Variants in CACHD1 observed in about 807,000 individuals in gnomAD.
CACHD1 encodes the protein cache domain containing 1.
Under a neutral mutation model 138.7 loss-of-function variants are expected in CACHD1, and 71 were observed. The observed-to-expected ratio is 0.51, with a 90% CI of 0.42 to 0.62. CACHD1 has a LOEUF of 0.62. Among genes scored for constraint, CACHD1 ranks in the 20% least tolerant of loss-of-function variants. The pLI is 0.00. For synonymous variants in CACHD1, 578 were observed against 591.5 expected (o/e 0.98, Z 0.33); for missense variants, 1,389 against 1,625.3 (o/e 0.85, Z 2.50).
intron 13 of CACHD1, among the ~76,000 whole-genome samples, chr1:64,662,718 T>A (rs1649483698): frequency 6.6e-6 from 1 of 152,234 alleles, no homozygotes; most frequent in South Asian, 2.1e-4. Context: ...TGTTCTGCAC[T>A]GTGATTCACT....
intron 3 of CACHD1, among the ~76,000 whole-genome samples, chr1:64,586,377 C>T (rs559626563): frequency 6.6e-6 from 1 of 152,340 alleles, no homozygotes; most frequent in African/African-American, 2.4e-5. Flanking sequence ...ACCCAGCTGA[C>T]ACTTTCCTAT....
chr1:64,589,997 C>T (rs1018831277), intron 3 of CACHD1, among the ~76,000 whole-genome samples: 7 of 152,066 alleles, frequency 4.6e-5, no homozygotes, highest in Non-Finnish European at 4.4e-5. Flanking sequence ...TATTCTCCTA[C>T]ACAGCTTCTC....
intron 1 of CACHD1, among the ~76,000 whole-genome samples, chr1:64,507,279 T>C (rs1422395681): frequency 1.3e-5 from 2 of 152,216 alleles, no homozygotes; most frequent in Non-Finnish European, 1.5e-5. Context: ...TACTGGAGTC[T>C]TGCCTTATAG....
At chr1:64,556,019 G>A (rs1056909354) in intron 2 of CACHD1, among the ~76,000 whole-genome samples, 2 of 152,090 alleles carry the variant, frequency 1.3e-5, no homozygotes, top group African/African-American at 4.8e-5. Context: ...TTGAAATCTG[G>A]TTGGGTAATA....
chr1:64,532,684 T>C (rs893075), intron 1 of CACHD1, among the ~76,000 whole-genome samples: 4,961 of 152,154 alleles, frequency 0.033, 120 homozygotes, highest in African/African-American at 0.063. Flanking sequence ...GGAACCAAGA[T>C]AGGACTTGGG....
At chr1:64,524,303 G>A (rs1221000381) in intron 1 of CACHD1, among the ~76,000 whole-genome samples, 1 of 152,196 alleles carries the variant, frequency 6.6e-6, no homozygotes, top group Non-Finnish European at 1.5e-5. Context: ...AAGCAAGTAT[G>A]TGAATGAATA....
intron 3 of CACHD1, among the ~76,000 whole-genome samples, chr1:64,585,439 C>T (rs2100545107): frequency 6.6e-6 from 1 of 152,270 alleles, no homozygotes; most frequent in East Asian, 1.9e-4. Context: ...GTTGAACATC[C>T]ATGAGACCTT....
At chr1:64,633,454 GA>G (rs1648386493) in intron 6 of CACHD1, among the ~76,000 whole-genome samples, 1 of 152,122 alleles carries the variant, frequency 6.6e-6, no homozygotes, top group South Asian at 2.1e-4. Context: ...CTGAGGAGGA[GA>G]GGGGTGGGAG....
chr1:64,652,058 A>G, intron 9 of CACHD1, 103 bp from the exon 10 acceptor site: 1 of 1,027,856 alleles, frequency 9.7e-7, no homozygotes, highest in Non-Finnish European at 1.4e-6. Flanking sequence ...AACAAAATTG[A>G]GACAGCTGAT....
chr1:64,659,281 C>G (rs1478501734), intron 13 of CACHD1, among the ~76,000 whole-genome samples: 1 of 152,116 alleles, frequency 6.6e-6, no homozygotes, highest in East Asian at 1.9e-4. Context: ...TAGTCACTTT[C>G]AACTTTCTTC....
intron 16 of CACHD1, among the ~76,000 whole-genome samples, chr1:64,669,958 T>C (rs1649762229): frequency 6.6e-6 from 1 of 152,218 alleles, no homozygotes; most frequent in African/African-American, 2.4e-5. Context: ...GTCTAATCTA[T>C]CTTATGTGTT....
At chr1:64,647,689 C>T in intron 8 of CACHD1, 112 bp from the exon 9 acceptor site, 3 of 816,270 alleles carry the variant, frequency 3.7e-6, no homozygotes, top group Admixed American at 2.5e-5. Flanking sequence ...TGCAAAAACC[C>T]CTTTGGTATT....
intron 3 of CACHD1, among the ~76,000 whole-genome samples, chr1:64,599,984 T>C (rs1029737820): frequency 7.2e-5 from 11 of 152,182 alleles, no homozygotes; most frequent in African/African-American, 2.2e-4. Context: ...TTATCACTTA[T>C]GCAGAATCGT....
chr1:64,573,038 G>T (rs1461911638), intron 2 of CACHD1, among the ~76,000 whole-genome samples: 1 of 152,176 alleles, frequency 6.6e-6, no homozygotes, highest in African/African-American at 2.4e-5. Context: ...CATGACAGCG[G>T]CCAGTTGCTA....
At chr1:64,686,993 A>T (rs1650391779) in intron 26 of CACHD1, among the ~76,000 whole-genome samples, 2 of 152,222 alleles carry the variant, frequency 1.3e-5, no homozygotes, top group Non-Finnish European at 2.9e-5. Flanking sequence ...CTTAGGAACT[A>T]TCAGATAAAT....
At chr1:64,685,715 G>T (rs1650345963) in intron 26 of CACHD1, among the ~76,000 whole-genome samples, 1 of 152,020 alleles carries the variant, frequency 6.6e-6, no homozygotes, top group Non-Finnish European at 1.5e-5. Flanking sequence ...GTACGTGCCT[G>T]TAGTCCCAGC....
intron 1 of CACHD1, among the ~76,000 whole-genome samples, chr1:64,519,785 C>T (rs1268090183): frequency 7.0e-6 from 1 of 143,488 alleles, no homozygotes; most frequent in African/African-American, 2.5e-5. Context: ...TCATTACCAC[C>T]TGTTGTAAGC....
intron 9 of CACHD1, among the ~76,000 whole-genome samples, chr1:64,648,423 C>T (rs1408085336): frequency 6.6e-6 from 1 of 152,154 alleles, no homozygotes; most frequent in Non-Finnish European, 1.5e-5. Context: ...CATTCTTCCA[C>T]TTGAGGTGTT....
chr1:64,668,212 A>G (rs1277747233), intron 16 of CACHD1, among the ~76,000 whole-genome samples: 1 of 152,116 alleles, frequency 6.6e-6, no homozygotes, highest in Non-Finnish European at 1.5e-5. Context: ...CTGTAATCCC[A>G]GCTACTCAGG....
Sources: gnomAD v4.1 joint callset for allele counts (sites outside exome capture counted in the v4.1 genomes callset) on GRCh38, gnomAD v4.1.1 for gene constraint, MANE v1.5 for transcripts, NCBI Gene and HGNC (gene_info 2026-07-23, HGNC 2026-07-21) for gene names.